Variants in TSC22D1 observed in about 807,000 individuals in gnomAD.
TSC22D1 encodes TSC22 domain family member 1, also known as TSC22 domain family protein 1.
TSC22D1 carries 9 observed loss-of-function variants against 74.2 expected under a neutral mutation model. The ratio of observed to expected loss-of-function variants is 0.12; its 90% CI spans 0.07 to 0.21. The LOEUF (loss-of-function observed/expected upper bound fraction) is 0.21, where lower values mean the gene tolerates loss of function less well. TSC22D1 is among the 10% of genes least tolerant of loss of function. The probability of loss-of-function intolerance (pLI) is 1.00; values close to 1 mark genes in which losing one functional copy is unlikely to be tolerated. For missense variants in TSC22D1, 1,427 were observed against 1,304.7 expected, an observed-to-expected ratio of 1.09 and a Z score of -1.44; for synonymous variants, 586 against 492.5, an observed-to-expected ratio of 1.19 and a Z score of -2.51.
intron 2 of TSC22D1, chr13:44,435,412 C>A (rs755449110): frequency 6.4e-6 from 1 of 156,450 alleles, no homozygotes; most frequent in Non-Finnish European, 1.4e-5. Flanking sequence ...ATTTATAGCT[C>A]CGAATTAAAG....
chr13:44,476,045 C>T (rs1877891969), intron 1 of TSC22D1, among the ~76,000 whole-genome samples: 1 of 152,152 alleles, frequency 6.6e-6, no homozygotes, highest in Non-Finnish European at 1.5e-5. Context: ...ACTCTGGGGA[C>T]TCCAAAAAAT....
chr13:44,555,564 C>T (rs1882583512), intron 1 of TSC22D1, among the ~76,000 whole-genome samples: 2 of 152,032 alleles, frequency 1.3e-5, no homozygotes, highest in African/African-American at 4.8e-5. Context: ...CGAGATTGTG[C>T]CACTGCACTC....
intron 1 of TSC22D1, chr13:44,537,813 T>G (rs2138085239): frequency 1.0e-6 from 1 of 984,968 alleles, no homozygotes; most frequent in African/African-American, 1.7e-5. Context: ...CAAGAAAGAC[T>G]AAGTGCAGGT....
chr13:44,517,823 GTGTGTGTATATATA>G (rs1207330180), intron 1 of TSC22D1, among the ~76,000 whole-genome samples: 3 of 36,044 alleles, frequency 8.3e-5, no homozygotes, highest in African/African-American at 2.9e-4. Flanking sequence ...GTGTGTGTGT[GTGTGTGTATATATA>G]TATATATATA....
chr13:44,453,721 G>A (rs1292381635), intron 1 of TSC22D1, among the ~76,000 whole-genome samples: 3 of 152,160 alleles, frequency 2.0e-5, no homozygotes, highest in Admixed American at 1.3e-4. Flanking sequence ...GTAAAAAACT[G>A]ACACCTGTCC....
chr13:44,530,721 G>A (rs1466220909), intron 1 of TSC22D1, among the ~76,000 whole-genome samples: 1 of 150,644 alleles, frequency 6.6e-6, no homozygotes, highest in Admixed American at 6.6e-5. Flanking sequence ...CAGACACTCA[G>A]CAGATTGAGT....
intron 1 of TSC22D1, among the ~76,000 whole-genome samples, chr13:44,460,215 C>T (rs1309860721): frequency 6.6e-6 from 1 of 152,150 alleles, no homozygotes; most frequent in African/African-American, 2.4e-5. Context: ...TGGTTTTAGC[C>T]ATAATTGGGG....
intron 1 of TSC22D1, among the ~76,000 whole-genome samples, chr13:44,495,883 T>C (rs756154063): frequency 1.4e-4 from 22 of 152,222 alleles, no homozygotes; most frequent in Non-Finnish European, 2.8e-4. Context: ...GTTAAAACTA[T>C]AAAATTCTTA....
At chr13:44,445,268 T>C (rs1160326671) in intron 1 of TSC22D1, among the ~76,000 whole-genome samples, 3 of 149,902 alleles carry the variant, frequency 2.0e-5, no homozygotes, top group Non-Finnish European at 3.0e-5. Context: ...AAATCGATTT[T>C]CCACAAATAT....
chr13:44,556,318 A>T (rs1882636721), intron 1 of TSC22D1, among the ~76,000 whole-genome samples: 1 of 151,750 alleles, frequency 6.6e-6, no homozygotes, highest in Admixed American at 6.6e-5. Context: ...AGGCCAAGGC[A>T]GATGGATCAC....
chr13:44,483,891 AT>A (rs1302670472), intron 1 of TSC22D1, among the ~76,000 whole-genome samples: 1 of 152,202 alleles, frequency 6.6e-6, no homozygotes, highest in African/African-American at 2.4e-5. Flanking sequence ...GATGGCGCTA[AT>A]ACAACGTATC....
At chr13:44,470,026 C>A (rs1403681647) in intron 1 of TSC22D1, among the ~76,000 whole-genome samples, 2 of 152,118 alleles carry the variant, frequency 1.3e-5, no homozygotes, top group African/African-American at 4.8e-5. Context: ...GGTAGATAAA[C>A]ATTTTAGAGA....
At chr13:44,468,209 C>A (rs1318194886) in intron 1 of TSC22D1, among the ~76,000 whole-genome samples, 2 of 152,080 alleles carry the variant, frequency 1.3e-5, no homozygotes, top group South Asian at 2.1e-4. Flanking sequence ...ATAACGGACA[C>A]TGGAGACTCA....
intron 1 of TSC22D1, among the ~76,000 whole-genome samples, chr13:44,501,839 A>AT (rs1879233847): frequency 6.6e-6 from 1 of 152,216 alleles, no homozygotes; most frequent in Non-Finnish European, 1.5e-5. Context: ...CTGATCGTCC[A>AT]TTAAAATGGC....
intron 1 of TSC22D1, among the ~76,000 whole-genome samples, chr13:44,443,471 T>C (rs888464037): frequency 3.9e-5 from 6 of 152,104 alleles, no homozygotes; most frequent in African/African-American, 1.4e-4. Context: ...AAAAACTAGA[T>C]CTACGCAAGA....
At chr13:44,576,939 C>G (rs1201013691), upstream of TSC22D1, 1 of 152,820 alleles carries the variant, frequency 6.5e-6, no homozygotes, top group Admixed American at 6.5e-5. Flanking sequence ...ACTCGGCACA[C>G]GTCCTCGGGG....
In TSC22D1 at chr13:44,545,921, G is replaced by A. The variant is rs185579999; in HGVS notation, c.2912+27242C>T. Among the ~76,000 whole-genome samples, 7 of 151,802 alleles carry A rather than the reference G, an allele frequency of 4.6e-5. No homozygotes were observed. In the East Asian group the frequency reaches 7.7e-4, roughly 17 times the overall value. The stretch of plus-strand genomic sequence containing the variant: ...GAATCCAGCAGGCAAAGGTTGCAGT[G>A]AGCCAAGATCGCGCCACTGCACTAC... On this transcript the variant is annotated intron_variant, in intron 1 of 2. Coordinates refer to ENST00000458659, the MANE Select transcript of TSC22D1 (RefSeq NM_183422.4).
At chr13:44,501,783 ATGTG>A (rs1016931614) in intron 1 of TSC22D1, among the ~76,000 whole-genome samples, 1 of 152,202 alleles carries the variant, frequency 6.6e-6, no homozygotes, top group Admixed American at 6.5e-5. Context: ...AAACTAATGT[ATGTG>A]TGTGAGAGAG....
intron 1 of TSC22D1, among the ~76,000 whole-genome samples, chr13:44,554,827 T>C (rs1183936492): frequency 6.6e-6 from 1 of 152,082 alleles, no homozygotes; most frequent in Non-Finnish European, 1.5e-5. Context: ...CCAAATCCCC[T>C]CCTTCTCTTC....
Sources: allele counts gnomAD v4.1 joint callset (sites outside exome capture counted in the v4.1 genomes callset), GRCh38; gene constraint gnomAD v4.1.1; transcripts MANE v1.5; gene names NCBI Gene and HGNC (gene_info 2026-07-23, HGNC 2026-07-21).